Variants in HTT observed in about 807,000 individuals in gnomAD.
HTT encodes huntington disease protein.
In HTT, 104 loss-of-function variants were observed where a neutral mutation model predicts 362.3. The observed-to-expected ratio is 0.29, with a 90% CI of 0.24 to 0.34. HTT has a LOEUF of 0.34. Among genes scored for constraint, HTT ranks in the 10% least tolerant of loss-of-function variants. The pLI, the probability that HTT is intolerant of heterozygous loss-of-function variation, is 1.00. For missense variants in HTT, 3,301 were observed against 3,928.6 expected, an observed-to-expected ratio of 0.84 and a Z score of 4.27; for synonymous variants, 1,577 against 1,548.7, an observed-to-expected ratio of 1.02 and a Z score of -0.43.
intron 29 of HTT, among the ~76,000 whole-genome samples, chr4:3,162,239 G>C (rs1717481537): frequency 6.6e-6 from 1 of 152,148 alleles, no homozygotes; most frequent in Admixed American, 6.5e-5. Context: ...TTGTAGATGT[G>C]TGGTGGTATT....
Position 3,103,886 on chromosome 4 carries a change from G to A in HTT, c.528+3G>A, listed in dbSNP as rs369166154. On this transcript the variant is annotated splice_donor_region_variant and intron_variant, in intron 4 of 66. Coordinates refer to ENST00000355072, the MANE Select transcript of HTT (RefSeq NM_001388492.1). ...AGCTCTATAAGGAAATTAAAAAGGT[G>A]GGCCTTGCTTTTCTTTTTTAAAAAT... The A allele has an allele frequency of 1.9e-6, 3 of 1,581,260 alleles. No individual in the cohort carries two copies. The highest frequency in any genetic ancestry group is 2.6e-6 in the Non-Finnish European group (3 of 1,154,324).
At position 3,227,924 on chromosome 4, in the gene HTT, G is replaced by C. The variant is rs564589832; in HGVS notation, c.7849-691G>C. Among the ~76,000 whole-genome samples the C allele has an allele frequency of 5.3e-5, 8 of 152,350 alleles. No individual in the cohort carries two copies. The East Asian group carries it at 1.5e-3, about 29-fold the overall frequency. On this transcript the variant is annotated intron_variant, in intron 57 of 66. Transcript: ENST00000355072. ...GGGTGGGGGTTAGGGGTCTGGGCGAGGGGAGTGCAGGGGCTCCTCCTTGGC... is the reference window on the plus strand; with the variant it reads ...GGGTGGGGGTTAGGGGTCTGGGCGACGGGAGTGCAGGGGCTCCTCCTTGGC...
intron 61 of HTT, 63 bp from the exon 62 acceptor site, chr4:3,235,221 C>G (rs1423059267): frequency 8.7e-7 from 1 of 1,156,006 alleles, no homozygotes; most frequent in East Asian, 2.3e-5. Flanking sequence ...GCCGGACATG[C>G]TGTGAAGCCC....
At position 3,225,643 on chromosome 4, in the gene HTT, GGGTGCT is replaced by G. The variant is rs2110291419; in HGVS notation, c.7766-13_7766-8del. On this transcript the variant is annotated splice_polypyrimidine_tract_variant and intron_variant, in intron 56 of 66. Coordinates refer to ENST00000355072, the MANE Select transcript of HTT (RefSeq NM_001388492.1). Reference sequence around the variant, plus strand: ...GCCCCCCTGTGCAGATCAAGACTCAGGGTGCTGGTGTTCACAGGTGCCCTCATCAGC... The same window carrying G: ...GCCCCCCTGTGCAGATCAAGACTCAGGGTGTTCACAGGTGCCCTCATCAGC... 3 of 1,611,898 alleles carry G rather than the reference GGGTGCT, an allele frequency of 1.9e-6. No homozygotes were observed. The highest frequency in any genetic ancestry group is 2.5e-6 in the Non-Finnish European group (3 of 1,178,160).
intron 23 of HTT, among the ~76,000 whole-genome samples, chr4:3,144,633 T>C (rs1014794557): frequency 6.6e-6 from 1 of 152,242 alleles, no homozygotes; most frequent in Non-Finnish European, 1.5e-5. Context: ...TTTATTTTAT[T>C]TGACAAAAGA....
chr4:3,106,347 C>G (rs1714421039), intron 5 of HTT, among the ~76,000 whole-genome samples: 1 of 152,038 alleles, frequency 6.6e-6, no homozygotes, highest in African/African-American at 2.4e-5. Flanking sequence ...CAGAGTGAGA[C>G]CTGTCTCAAA....
chr4:3,153,727 G>T (rs1717010685), intron 26 of HTT, among the ~76,000 whole-genome samples: 1 of 152,056 alleles, frequency 6.6e-6, no homozygotes, highest in African/African-American at 2.4e-5. Flanking sequence ...TTCGAGACCA[G>T]CCTGGGCATC....
intron 60 of HTT, among the ~76,000 whole-genome samples, chr4:3,231,410 C>T (rs894736313): frequency 1.5e-4 from 23 of 152,138 alleles, no homozygotes; most frequent in Admixed American, 2.6e-4. Context: ...CCTGACAAGG[C>T]CAAGGGTGAC....
Position 3,220,437 on chromosome 4 carries a change from T to G in HTT, c.7369+129T>G, listed in dbSNP as rs362320. On this transcript the variant is annotated intron_variant, in intron 53 of 66. Transcript: ENST00000355072. ...TTTAAGCATGATAATAATACAAACC[T>G]ATGTGAATACATTTTGCAGTGTTGG... 3.9e-4 allele frequency: 362 copies of G among 934,676 alleles called. 1 individual carries two copies. The African/African-American group carries it at 5.5e-3, about 14-fold the overall frequency. The allele number at this position is 934,676 out of a possible 1,614,324, so 57.9% of individuals were successfully genotyped here.
At chr4:3,163,836 G>A (rs1010748131) in intron 29 of HTT, among the ~76,000 whole-genome samples, 7 of 151,816 alleles carry the variant, frequency 4.6e-5, no homozygotes, top group African/African-American at 9.7e-5. Context: ...TCTTGCTAGC[G>A]GTCTACCTAT....
intron 35 of HTT, among the ~76,000 whole-genome samples, chr4:3,179,711 G>T (rs1718414351): frequency 6.7e-6 from 1 of 149,526 alleles, no homozygotes; most frequent in African/African-American, 2.5e-5. Context: ...GCTCATGTGT[G>T]TGCATACGTG....
rs372566928 is a variant in HTT, at chr4:3,187,898, A to C, written c.5225+12A>C. 92 of 1,528,780 alleles carry C rather than the reference A, an allele frequency of 6.0e-5. No individual in the cohort carries two copies. Among genetic ancestry groups the C allele is most frequent in the Non-Finnish European group, 8.2e-5 (91 of 1,105,258 alleles). 94.7% of individuals were successfully genotyped at this position (1,528,780 alleles called of 1,614,324 possible). ...GAAACATTTTCAAGGTATGCTTTCT[A>C]TCTGAGCCTATAACTAACCCATGCC... On this transcript the variant is annotated intron_variant, in intron 39 of 66. Transcript: ENST00000355072.
intron 41 of HTT, among the ~76,000 whole-genome samples, 197 bp downstream of exon 41, chr4:3,200,136 G>A (rs1342042109): frequency 2.0e-5 from 3 of 152,160 alleles, no homozygotes; most frequent in Non-Finnish European, 4.4e-5. Context: ...CCAGCTAAAG[G>A]CATTCAAAAT....
intron 53 of HTT, 81 bp from the exon 54 acceptor site, chr4:3,222,306 G>A (rs1720710647): frequency 8.5e-7 from 1 of 1,183,014 alleles, no homozygotes; most frequent in Non-Finnish European, 1.2e-6. Context: ...CAGGGGCCGT[G>A]CTGTGTCGGC....
chr4:3,154,252 T>G, intron 26 of HTT, 41 bp from the exon 27 acceptor site: 1 of 1,458,168 alleles, frequency 6.9e-7, no homozygotes, highest in Non-Finnish European at 9.3e-7. Flanking sequence ...CCATCACATG[T>G]TTTTGTTTTT....
intron 2 of HTT, among the ~76,000 whole-genome samples, chr4:3,089,398 C>T (rs1191247848): frequency 6.6e-6 from 1 of 152,272 alleles, no homozygotes; most frequent in Non-Finnish European, 1.5e-5. Context: ...GGACTACAGG[C>T]ACCCGCCACC....
Position 3,131,791 on chromosome 4 carries a change from A to G in HTT, c.2236+16A>G. 1.2e-6 allele frequency: 2 copies of G among 1,603,100 alleles called. No homozygotes were observed. The highest frequency in any genetic ancestry group is 1.7e-6 in the Non-Finnish European group (2 of 1,173,816). On this transcript the variant is annotated intron_variant, in intron 16 of 66. Coordinates refer to ENST00000355072, the MANE Select transcript of HTT (RefSeq NM_001388492.1). The stretch of plus-strand genomic sequence containing the variant: ...GAATACCCTGGTATGTTAAAAGTTC[A>G]CATCTTATTTTCTCAGATTTAATCA...
At chr4:3,116,551 C>T (rs1423775449) in intron 8 of HTT, among the ~76,000 whole-genome samples, 1 of 152,180 alleles carries the variant, frequency 6.6e-6, no homozygotes, top group Non-Finnish European at 1.5e-5. Context: ...TGTGTTCATC[C>T]ACCCAGTAAA....
At chr4:3,173,308 G>A (rs1255810043) in intron 31 of HTT, 177 bp downstream of exon 31, 7 of 610,062 alleles carry the variant, frequency 1.1e-5, no homozygotes, top group Non-Finnish European at 2.0e-5. Context: ...GGCATAGCCC[G>A]GCCTTCCAAG....
Sources: allele counts gnomAD v4.1 joint callset (sites outside exome capture counted in the v4.1 genomes callset), GRCh38; gene constraint gnomAD v4.1.1; transcripts MANE v1.5; gene names NCBI Gene and HGNC (gene_info 2026-07-23, HGNC 2026-07-21).